KCNQ3: variants seen among roughly 807,000 people sequenced by gnomAD.
KCNQ3 encodes the protein potassium voltage-gated channel subfamily KQT member 3.
Under a neutral mutation model 92.5 loss-of-function variants are expected in KCNQ3, and 30 were observed. That is an observed-to-expected ratio of 0.32 (90% CI 0.24 to 0.44). The LOEUF is 0.44. Among genes scored for constraint, KCNQ3 ranks in the 20% least tolerant of loss-of-function variants. The pLI, the probability that KCNQ3 is intolerant of heterozygous loss-of-function variation, is 1.00. For missense variants in KCNQ3, 913 were observed against 1,140.3 expected, an observed-to-expected ratio of 0.80 and a Z score of 2.87; for synonymous variants, 450 against 468.8, an observed-to-expected ratio of 0.96 and a Z score of 0.52.
In KCNQ3 at chr8:132,125,165, C is replaced by G. The variant is rs1232885654; in HGVS notation, c.*4097G>C. ...TTCCTCAGATTCCCTAGAATCCCCCCTTTTTGCACAGCTTCTCTGGAGCTA... is the reference window on the plus strand; with the variant it reads ...TTCCTCAGATTCCCTAGAATCCCCCGTTTTTGCACAGCTTCTCTGGAGCTA... On this transcript the variant is annotated 3_prime_UTR_variant, in exon 15 of 15. Coordinates refer to ENST00000388996, the MANE Select transcript of KCNQ3 (RefSeq NM_004519.4). 6.6e-6 allele frequency: 1 copy of G among 152,124 alleles called. No individual in the cohort carries two copies. The highest frequency in any genetic ancestry group is 1.5e-5 in the Non-Finnish European group (1 of 68,024). The allele number at this position is 152,124 out of a possible 1,614,324, so 9.4% of individuals were successfully genotyped here.
At chr8:132,403,344 G>A (rs1820399524) in intron 1 of KCNQ3, among the ~76,000 whole-genome samples, 1 of 152,128 alleles carries the variant, frequency 6.6e-6, no homozygotes, top group Non-Finnish European at 1.5e-5. Flanking sequence ...CCCAGCCCCT[G>A]TGGATGGAGA....
intron 1 of KCNQ3, among the ~76,000 whole-genome samples, chr8:132,339,332 C>T (rs761929036): frequency 2.6e-5 from 4 of 152,182 alleles, no homozygotes; most frequent in African/African-American, 4.8e-5. Context: ...TCCACCAACT[C>T]GAACTGGGCA....
intron 1 of KCNQ3, among the ~76,000 whole-genome samples, chr8:132,396,982 A>AAGAG (rs762265502): frequency 6.7e-6 from 1 of 148,274 alleles, no homozygotes; most frequent in East Asian, 2.0e-4. Context: ...GTGTGGGAGA[A>AAGAG]AGAGAGAGAG....
chr8:132,402,216 T>C (rs1820356452), intron 1 of KCNQ3, among the ~76,000 whole-genome samples: 1 of 152,192 alleles, frequency 6.6e-6, no homozygotes, highest in Non-Finnish European at 1.5e-5. Context: ...TTTCTATCTA[T>C]GGCCTGTTGA....
intron 1 of KCNQ3, among the ~76,000 whole-genome samples, chr8:132,312,893 T>C (rs1817636549): frequency 6.6e-6 from 1 of 152,236 alleles, no homozygotes; most frequent in Admixed American, 6.5e-5. Context: ...GGCAGTTCTT[T>C]ATAGCAGTGT....
intron 1 of KCNQ3, among the ~76,000 whole-genome samples, chr8:132,382,286 T>C (rs1390831786): frequency 2.0e-5 from 3 of 152,178 alleles, no homozygotes; most frequent in African/African-American, 7.2e-5. Flanking sequence ...ATGAATGGCT[T>C]GGTGCTGTCT....
intron 1 of KCNQ3, among the ~76,000 whole-genome samples, chr8:132,212,918 C>G (rs1485084943): frequency 6.6e-6 from 1 of 152,196 alleles, no homozygotes; most frequent in African/African-American, 2.4e-5. Context: ...GCTGCACTTC[C>G]TGACACTACC....
intron 1 of KCNQ3, among the ~76,000 whole-genome samples, chr8:132,344,786 A>T (rs1818633670): frequency 6.6e-6 from 1 of 152,164 alleles, no homozygotes; most frequent in African/African-American, 2.4e-5. Context: ...CAGAAGGAGT[A>T]ATGGAGACTG....
At chr8:132,352,400 C>T (rs1224151408) in intron 1 of KCNQ3, among the ~76,000 whole-genome samples, 1 of 152,118 alleles carries the variant, frequency 6.6e-6, no homozygotes, top group Non-Finnish European at 1.5e-5. Context: ...TGCACAGGAA[C>T]AAGACTCCTA....
chr8:132,162,315 A>G (rs1284930919), intron 9 of KCNQ3, among the ~76,000 whole-genome samples: 1 of 152,222 alleles, frequency 6.6e-6, no homozygotes, highest in Non-Finnish European at 1.5e-5. Context: ...CAGTGTCAAA[A>G]TCTGCACGAT....
intron 14 of KCNQ3, among the ~76,000 whole-genome samples, chr8:132,130,471 C>T (rs1824846156): frequency 6.6e-6 from 1 of 152,170 alleles, no homozygotes; most frequent in Admixed American, 6.5e-5. Context: ...TTATTTTGTG[C>T]CTCCTACTTG....
intron 1 of KCNQ3, among the ~76,000 whole-genome samples, chr8:132,473,175 G>A (rs1192727216): frequency 6.6e-6 from 1 of 152,170 alleles, no homozygotes; most frequent in Non-Finnish European, 1.5e-5. Flanking sequence ...GATGAAAAAA[G>A]GTGAGGACTG....
intron 1 of KCNQ3, among the ~76,000 whole-genome samples, chr8:132,216,307 C>T (rs562820975): frequency 8.5e-5 from 13 of 152,280 alleles, no homozygotes; most frequent in Non-Finnish European, 1.5e-4. Context: ...GTGTTTTGAG[C>T]GCGTGATATT....
At chr8:132,143,267 T>C (rs1192700656) in intron 9 of KCNQ3, among the ~76,000 whole-genome samples, 1 of 152,010 alleles carries the variant, frequency 6.6e-6, no homozygotes, top group Non-Finnish European at 1.5e-5. Flanking sequence ...TGGCTGCTAC[T>C]AGATAAATGA....
intron 1 of KCNQ3, among the ~76,000 whole-genome samples, chr8:132,419,683 C>T (rs945231546): frequency 2.0e-5 from 3 of 152,216 alleles, no homozygotes; most frequent in Non-Finnish European, 4.4e-5. Flanking sequence ...AGGTGCTATT[C>T]TAGGTGTTGT....
chr8:132,365,015 CAG>C (rs1586959403), intron 1 of KCNQ3, among the ~76,000 whole-genome samples: 1 of 152,104 alleles, frequency 6.6e-6, no homozygotes, highest in Non-Finnish European at 1.5e-5. Context: ...CATCTGGTGA[CAG>C]AGAATAGCAA....
chr8:132,459,736 G>GT (rs113862022), intron 1 of KCNQ3, among the ~76,000 whole-genome samples: 3,986 of 133,484 alleles, frequency 0.03, 69 homozygotes, highest in South Asian at 0.046. Flanking sequence ...TCTTTTTCTT[G>GT]TTTTTTTTTT....
rs1824684214 is a variant in KCNQ3, at chr8:132,126,786, G to A, written c.*2476C>T. The A allele has an allele frequency of 6.6e-6, 1 of 152,052 alleles. No individual in the cohort carries two copies. Among genetic ancestry groups the A allele is most frequent in the South Asian group, 2.1e-4 (1 of 4,816 alleles). The allele number at this position is 152,052 out of a possible 1,614,324, so 9.4% of individuals were successfully genotyped here. Reference sequence around the variant, plus strand: ...TTTCTAGGTTATTAAAAGAATCTAAGGTAGTTCCTCCAATTTTGGATCAAT... The same window carrying A: ...TTTCTAGGTTATTAAAAGAATCTAAAGTAGTTCCTCCAATTTTGGATCAAT... On this transcript the variant is annotated 3_prime_UTR_variant, in exon 15 of 15. Coordinates refer to ENST00000388996, the MANE Select transcript of KCNQ3 (RefSeq NM_004519.4).
intron 1 of KCNQ3, among the ~76,000 whole-genome samples, chr8:132,462,179 GTATTTATTTATT>G (rs67201471): frequency 1.3e-4 from 19 of 150,020 alleles, no homozygotes; most frequent in South Asian, 2.1e-4. Flanking sequence ...ATTTATTTAT[GTATTTATTTATT>G]TATTTATTTA....
Sources: gnomAD v4.1 joint callset for allele counts (sites outside exome capture counted in the v4.1 genomes callset) on GRCh38, gnomAD v4.1.1 for gene constraint, MANE v1.5 for transcripts, NCBI Gene and HGNC (gene_info 2026-07-23, HGNC 2026-07-21) for gene names.